TSHZ3: variants seen among roughly 807,000 people sequenced by gnomAD.
The protein encoded by TSHZ3 is teashirt homolog 3.
TSHZ3 carries 10 observed loss-of-function variants against 64.5 expected under a neutral mutation model. The observed-to-expected ratio is 0.16, with a 90% confidence interval of 0.10 to 0.26. TSHZ3 has a LOEUF of 0.26. TSHZ3 is among the 10% of genes least tolerant of loss of function. The probability of loss-of-function intolerance (pLI) is 1.00; values close to 1 mark genes in which losing one functional copy is unlikely to be tolerated. For missense variants in TSHZ3, 1,242 were observed against 1,421.7 expected, an observed-to-expected ratio of 0.87 and a Z score of 2.03; for synonymous variants, 608 against 593.1, an observed-to-expected ratio of 1.03 and a Z score of -0.36.
intron 5 of TSHZ3, among the ~76,000 whole-genome samples, chr19:31,179,105 T>G (rs77704332): frequency 0.018 from 2,687 of 151,914 alleles, 55 homozygotes; most frequent in East Asian, 0.069. Flanking sequence ...ACACCCAAGG[T>G]TGACTGAAGA....
chr19:31,171,558 T>G (rs1023356838), intron 5 of TSHZ3, among the ~76,000 whole-genome samples: 1 of 151,172 alleles, frequency 6.6e-6, no homozygotes, highest in African/African-American at 2.4e-5. Context: ...CATACAAAGA[T>G]AAATTTCAAG....
intron 1 of TSHZ3, among the ~76,000 whole-genome samples, chr19:31,254,975 G>C (rs1975890261): frequency 6.6e-6 from 1 of 152,284 alleles, no homozygotes; most frequent in South Asian, 2.1e-4. Flanking sequence ...GAGTGGGGAA[G>C]GAAGGAAGTC....
intron 1 of TSHZ3, among the ~76,000 whole-genome samples, chr19:31,339,270 A>C (rs528123840): frequency 2.6e-5 from 4 of 151,206 alleles, no homozygotes; most frequent in Non-Finnish European, 5.9e-5. Context: ...GAAAGGGGGG[A>C]AAAAAAGTCA....
chr19:31,325,264 G>A (rs138401998), intron 1 of TSHZ3, among the ~76,000 whole-genome samples: 5 of 152,264 alleles, frequency 3.3e-5, no homozygotes, highest in African/African-American at 7.2e-5. Flanking sequence ...GACCGGCCAG[G>A]GAATGACATG....
At chr19:31,246,089 C>T (rs940232085) in intron 1 of TSHZ3, among the ~76,000 whole-genome samples, 6 of 152,110 alleles carry the variant, frequency 3.9e-5, no homozygotes, top group African/African-American at 7.2e-5. Context: ...TGAAGTGAAT[C>T]GACATGTCAC....
In TSHZ3 at chr19:31,278,285, T is replaced by C. The variant is rs1302681596; in HGVS notation, c.1508A>G (p.Lys503Arg). ...GTCATTTTCAGTCAAGTAATGGTATTTGGAAGAGATGTCACACTTCTCCTC... is the reference window on the plus strand; with the variant it reads ...GTCATTTTCAGTCAAGTAATGGTATCTGGAAGAGATGTCACACTTCTCCTC... ...EEEEKCDISS[K>R]YHYLTENDLE... Residue 503 changes from lysine to arginine, a missense_variant, in exon 2 of 2, where the codon AAA (lysine) becomes AGA (arginine). Physicochemically the swap from Lys to Arg is conservative, Grantham distance 26. This residue lies in a region of TSHZ3 where 555 missense variants were observed against 704.0 expected (regional missense o/e 0.79). Coordinates refer to ENST00000240587, the MANE Select transcript of TSHZ3 (RefSeq NM_020856.4). This position sits in a 1 kb window ranked among gnomAD's most constrained non-coding sequence, Gnocchi z 4.7. The C allele has an allele frequency of 8.1e-6, 13 of 1,614,086 alleles. No homozygotes were observed. The highest frequency in any genetic ancestry group is 1.1e-5 in the Non-Finnish European group (13 of 1,180,054).
At chr19:31,297,504 T>G (rs1976685333) in intron 1 of TSHZ3, among the ~76,000 whole-genome samples, 1 of 152,088 alleles carries the variant, frequency 6.6e-6, no homozygotes. Context: ...AGAGACAAGG[T>G]CTTGTTCCAT....
At chr19:31,242,576 C>A (rs997198915) in exon 3 of TSHZ3, among the ~76,000 whole-genome samples, 1 of 151,678 alleles carries the variant, frequency 6.6e-6, no homozygotes, top group Admixed American at 6.6e-5. Flanking sequence ...TGTCTCAGGT[C>A]TAGAAAACAG....
At chr19:31,207,868 A>G (rs1327466954) in intron 4 of TSHZ3, among the ~76,000 whole-genome samples, 1 of 152,250 alleles carries the variant, frequency 6.6e-6, no homozygotes, top group Non-Finnish European at 1.5e-5. Context: ...TAATGTGTGT[A>G]TAAAGCACAC....
chr19:31,297,365 G>A (rs2145137274), intron 1 of TSHZ3, among the ~76,000 whole-genome samples: 1 of 152,342 alleles, frequency 6.6e-6, no homozygotes, highest in Non-Finnish European at 1.5e-5. Context: ...CCCTTCTGCT[G>A]TGAAGACTGA....
intron 3 of TSHZ3, among the ~76,000 whole-genome samples, chr19:31,232,208 G>A (rs1399789590): frequency 6.6e-6 from 1 of 152,094 alleles, no homozygotes; most frequent in East Asian, 1.9e-4. Flanking sequence ...CTCAAATGAA[G>A]AGCGGATTGC....
intron 1 of TSHZ3, among the ~76,000 whole-genome samples, chr19:31,304,773 C>CAT (rs1362549432): frequency 1.3e-5 from 2 of 152,160 alleles, no homozygotes; most frequent in African/African-American, 4.8e-5. Context: ...TATTTATTTC[C>CAT]ATACCAGTTA....
chr19:31,198,833 G>A (rs549599832), intron 5 of TSHZ3, among the ~76,000 whole-genome samples: 1 of 152,286 alleles, frequency 6.6e-6, no homozygotes, highest in Admixed American at 6.5e-5. Flanking sequence ...ATTTAATATT[G>A]TGAAGATTTC....
chr19:31,339,091 C>T (rs778425235), intron 1 of TSHZ3, among the ~76,000 whole-genome samples: 2 of 152,054 alleles, frequency 1.3e-5, no homozygotes, highest in South Asian at 2.1e-4. Flanking sequence ...TCTTCAATAA[C>T]GCACGTTTGA....
rs10164349 is a variant in TSHZ3 at position 31,151,134 on chromosome 19, C to T, written n.1482G>A. Among the ~76,000 whole-genome samples, 364 of 152,154 alleles carry T rather than the reference C, an allele frequency of 2.4e-3. 1 individual carries two copies. Among genetic ancestry groups the T allele is most frequent in the African/African-American group, 8.3e-3 (344 of 41,494 alleles). On this transcript the variant is annotated non_coding_transcript_exon_variant, in exon 7 of 7. Transcript: ENST00000651361. ...AGTAATAACCACAGGGAAGTTTTGA[C>T]GAAGAGGAGAAAAGAGAGGAGGCAG... is the stretch of plus-strand genomic sequence containing the variant.
At chr19:31,183,858 A>G (rs1974763687) in intron 5 of TSHZ3, among the ~76,000 whole-genome samples, 1 of 152,158 alleles carries the variant, frequency 6.6e-6, no homozygotes, top group African/African-American at 2.4e-5. Context: ...ATAAAGGGCC[A>G]TATATTAGTG....
intron 1 of TSHZ3, among the ~76,000 whole-genome samples, chr19:31,313,763 T>C (rs1487407012): frequency 1.3e-5 from 2 of 152,186 alleles, no homozygotes; most frequent in African/African-American, 4.8e-5. Context: ...GGATCCCTGC[T>C]CCTTGCCCTA....
chr19:31,212,543 G>T (rs934509443), intron 4 of TSHZ3, among the ~76,000 whole-genome samples: 5 of 152,092 alleles, frequency 3.3e-5, no homozygotes, highest in Non-Finnish European at 7.4e-5. Flanking sequence ...ACAACAATAA[G>T]ATGCCACTAC....
chr19:31,206,622 G>C (rs995685639), intron 4 of TSHZ3, among the ~76,000 whole-genome samples: 1 of 152,132 alleles, frequency 6.6e-6, no homozygotes, highest in Non-Finnish European at 1.5e-5. Context: ...TTAAACTGCA[G>C]CAAGAAAATT....
Sources: gnomAD v4.1 joint callset for allele counts (sites outside exome capture counted in the v4.1 genomes callset) on GRCh38, gnomAD v4.1.1 for gene constraint, gnomAD v4.1.1 regional missense constraint, Gnocchi (gnomAD v3.1) non-coding constraint, MANE v1.5 for transcripts, NCBI Gene and HGNC (gene_info 2026-07-23, HGNC 2026-07-21) for gene names.